NXPE4: variants seen among roughly 807,000 people sequenced by gnomAD.
NXPE4 encodes the protein NXPE family member 4.
In NXPE4, 42 loss-of-function variants were observed where a neutral mutation model predicts 33.3. The ratio of observed to expected loss-of-function variants is 1.26; its 90% CI spans 0.98 to 1.63. NXPE4 has a LOEUF of 1.63. Ranked by LOEUF, NXPE4 falls within the 40% of genes most tolerant of loss-of-function variation. NXPE4 has a pLI of 0.00. For synonymous variants in NXPE4, 253 were observed against 234.9 expected (o/e 1.08, Z -0.71); for missense variants, 709 against 647.6 (o/e 1.09, Z -1.03).
At chr11:114,605,043 C>A in the NXPE4 span, among the ~76,000 whole-genome samples, 1 of 145,980 alleles carries the variant, frequency 6.9e-6, no homozygotes, top group African/African-American at 2.5e-5. Flanking sequence ...ATAATAAGTA[C>A]TGCCTCGTGG....
the NXPE4 span, among the ~76,000 whole-genome samples, chr11:114,639,810 T>TAATATAAAATATAATATATGTTATGTTA: frequency 2.0e-3 from 153 of 77,958 alleles, 1 homozygote; most frequent in African/African-American, 6.5e-3. Context: ...AAATATAAAA[T>TAATATAAAATATAATATATGTTATGTTA]AATATAAAAT....
At chr11:114,580,386 C>A (rs774657680) in intron 4 of NXPE4, 48 bp from the exon 5 acceptor site, 2 of 1,532,674 alleles carry the variant, frequency 1.3e-6, no homozygotes, top group South Asian at 1.1e-5. Context: ...TCAAATTACC[C>A]GTCAGTATGT....
At chr11:114,603,275 G>A in the NXPE4 span, among the ~76,000 whole-genome samples, 291 of 150,938 alleles carry the variant, frequency 1.9e-3, 1 homozygote, top group Non-Finnish European at 3.1e-3. Context: ...CCTGGTGGAT[G>A]ATAAGTATTG....
intron 2 of NXPE4, chr11:114,583,623 T>G: frequency 1.7e-6 from 1 of 593,298 alleles, no homozygotes; most frequent in Non-Finnish European, 3.3e-6. Context: ...GCTGTGAAAC[T>G]TAATGAGCAG....
chr11:114,600,809 G>T, the NXPE4 span, among the ~76,000 whole-genome samples: 110 of 152,150 alleles, frequency 7.2e-4, no homozygotes, highest in African/African-American at 2.6e-3. Context: ...GTTATTTACT[G>T]ATGCTGGCTG....
intron 2 of NXPE4, among the ~76,000 whole-genome samples, chr11:114,592,024 C>T (rs149144898): frequency 6.6e-6 from 1 of 152,136 alleles, no homozygotes; most frequent in African/African-American, 2.4e-5. Context: ...AAGAAATGTA[C>T]CTCAAAACAA....
the NXPE4 span, among the ~76,000 whole-genome samples, chr11:114,632,741 A>AATATAATATATC: frequency 1.5e-5 from 1 of 66,372 alleles, no homozygotes; most frequent in Non-Finnish European, 2.6e-5. Context: ...ATATATATAA[A>AATATAATATATC]ATATATTATA....
chr11:114,592,671 A>G (rs1302229710), intron 2 of NXPE4, among the ~76,000 whole-genome samples: 3 of 152,190 alleles, frequency 2.0e-5, no homozygotes, highest in African/African-American at 7.2e-5. Flanking sequence ...ATCGAAATAG[A>G]AAAACAATTC....
chr11:114,581,824 C>T lies in NXPE4; in HGVS notation c.831-38G>A, dbSNP rs138646343. The T allele has an allele frequency of 1.0e-3, 1,477 of 1,446,484 alleles. 15 individuals are homozygous for T. In the African/African-American group the frequency reaches 0.019, roughly 18 times the overall value. The allele number at this position is 1,446,484 out of a possible 1,614,324, so 89.6% of individuals were successfully genotyped here. ...AATACAGAAATTAATCTGTAGGTGGCCTCAAATCAGGAAACATACAGAAAC... is the reference window on the plus strand; with the variant it reads ...AATACAGAAATTAATCTGTAGGTGGTCTCAAATCAGGAAACATACAGAAAC... On this transcript the variant is annotated intron_variant, in intron 3 of 5. Transcript: ENST00000375478.
the NXPE4 span, among the ~76,000 whole-genome samples, chr11:114,622,569 C>A: frequency 1.4e-4 from 21 of 151,814 alleles, no homozygotes; most frequent in African/African-American, 5.1e-4. Context: ...TCGTGGGTAA[C>A]CACTGCTACC....
Position 114,582,509 on chromosome 11 carries a change from G to T in NXPE4, c.609C>A (p.Ile203=). The T allele has an allele frequency of 6.2e-7, 1 of 1,614,122 alleles. No homozygotes were observed. Among genetic ancestry groups the T allele is most frequent in the Non-Finnish European group, 8.5e-7 (1 of 1,179,994 alleles). ...SARNQGYDRV[I]FTGQFVNGTS... ...TGCCATTGACAAACTGGCCAGTGAA[G>T]ATCACCCTGTCATAGCCTTGGTTCC... Residue 203 remains isoleucine, a synonymous_variant, in exon 3 of 6, where the codon ATC becomes ATA. Transcript: ENST00000375478.
the NXPE4 span, among the ~76,000 whole-genome samples, chr11:114,651,251 T>C: frequency 1.3e-5 from 2 of 152,110 alleles, no homozygotes; most frequent in Non-Finnish European, 2.9e-5. Flanking sequence ...GATGTTCAGA[T>C]GTGTCCGGAG....
chr11:114,653,848 C>A, the NXPE4 span, among the ~76,000 whole-genome samples: 4 of 152,036 alleles, frequency 2.6e-5, no homozygotes, highest in Non-Finnish European at 4.4e-5. Context: ...TCTTTTCTAC[C>A]TACCTCTAGA....
At chr11:114,615,254 T>TAA in the NXPE4 span, among the ~76,000 whole-genome samples, 1 of 151,900 alleles carries the variant, frequency 6.6e-6, no homozygotes, top group Non-Finnish European at 1.5e-5. Flanking sequence ...ACCCAGTGGA[T>TAA]TATAAGTATT....
chr11:114,662,945 C>G, the NXPE4 span, among the ~76,000 whole-genome samples: 1 of 152,282 alleles, frequency 6.6e-6, no homozygotes, highest in South Asian at 2.1e-4. Context: ...GAGGCTTGCT[C>G]TCTATAAGTA....
At chr11:114,602,238 A>G in the NXPE4 span, among the ~76,000 whole-genome samples, 10 of 115,782 alleles carry the variant, frequency 8.6e-5, no homozygotes, top group African/African-American at 3.5e-4. Context: ...TATATATTAT[A>G]CTATATACAA....
At chr11:114,627,185 C>T in the NXPE4 span, among the ~76,000 whole-genome samples, 4 of 151,944 alleles carry the variant, frequency 2.6e-5, no homozygotes, top group Admixed American at 2.6e-4. Flanking sequence ...AAAGATACTC[C>T]TCGAGAAGAG....
chr11:114,667,639 C>T, the NXPE4 span, among the ~76,000 whole-genome samples: 2 of 152,122 alleles, frequency 1.3e-5, no homozygotes, highest in Non-Finnish European at 2.9e-5. Context: ...AAACCAGCTG[C>T]CACATCATGA....
chr11:114,650,705 C>G, the NXPE4 span, among the ~76,000 whole-genome samples: 3 of 152,244 alleles, frequency 2.0e-5, no homozygotes, highest in South Asian at 6.2e-4. Context: ...ATAAGTAGGG[C>G]AGGCAACTCC....
Sources: gnomAD v4.1 joint callset for allele counts (sites outside exome capture counted in the v4.1 genomes callset) on GRCh38, gnomAD v4.1.1 for gene constraint, MANE v1.5 for transcripts, NCBI Gene and HGNC (gene_info 2026-07-23, HGNC 2026-07-21) for gene names.